Variants in MYH10 observed in about 807,000 individuals in gnomAD.
The protein encoded by MYH10 is myosin-10.
A neutral mutation model predicts 257.8 loss-of-function variants in MYH10; 55 were observed. The ratio of observed to expected loss-of-function variants is 0.21; its 90% confidence interval spans 0.17 to 0.27. MYH10 has a LOEUF of 0.27. Among genes scored for constraint, MYH10 ranks in the 10% least tolerant of loss-of-function variants. The pLI is 1.00. For synonymous variants in MYH10, 854 were observed against 921.7 expected, an observed-to-expected ratio of 0.93 and a Z score of 1.33; for missense variants, 1,631 against 2,500.6, an observed-to-expected ratio of 0.65 and a Z score of 7.42.
At chr17:8,605,214 C>T (rs1419759100) in intron 2 of MYH10, among the ~76,000 whole-genome samples, 1 of 152,180 alleles carries the variant, frequency 6.6e-6, no homozygotes, top group Non-Finnish European at 1.5e-5. Flanking sequence ...GACTCAATTT[C>T]CTCATCCATG....
At chr17:8,615,817 G>T (rs1597985754) in intron 2 of MYH10, among the ~76,000 whole-genome samples, 2 of 151,998 alleles carry the variant, frequency 1.3e-5, no homozygotes, top group African/African-American at 4.8e-5. Flanking sequence ...ATCTGATAAA[G>T]AATCAGTATT....
At chr17:8,557,757 C>T (rs566085729) in intron 7 of MYH10, among the ~76,000 whole-genome samples, 1 of 152,314 alleles carries the variant, frequency 6.6e-6, no homozygotes, top group South Asian at 2.1e-4. Context: ...AAAAAAACCA[C>T]TGATGCTACA....
Position 8,477,190 on chromosome 17 carries a change from G to T in MYH10, c.5707-142C>A, listed in dbSNP as rs2151761009. The T allele has an allele frequency of 2.2e-6, 2 of 889,276 alleles. No individual in the cohort carries two copies. Among genetic ancestry groups the T allele is most frequent in the East Asian group, 2.6e-5 (1 of 38,580 alleles). 55.1% of individuals were successfully genotyped at this position (889,276 alleles called of 1,614,324 possible). On this transcript the variant is annotated intron_variant, in intron 41 of 42. Transcript: ENST00000360416. This position sits in a 1 kb window ranked among gnomAD's most constrained non-coding sequence, Gnocchi z 4.2. ...ACACGGATGTACACGCGTGCCTGGG[G>T]GCTGGTCGGAGGCTCTGTAACCGGC...
In MYH10 at chr17:8,538,415, G is replaced by C. The variant is rs943108921; in HGVS notation, c.1606-2484C>G. ...AGTAGAGATGGAGTTTCACCATGTT[G>C]GTCAGGCTGGTCTCGAACTCCTGAC... On this transcript the variant is annotated intron_variant, in intron 14 of 42. Coordinates refer to ENST00000360416, the MANE Select transcript of MYH10 (RefSeq NM_001256012.3). Among the ~76,000 whole-genome samples, 28 of 152,274 alleles carry C rather than the reference G, an allele frequency of 1.8e-4. 1 individual carries two copies. In the South Asian group the frequency reaches 2.9e-3, roughly 16 times the overall value.
intron 6 of MYH10, among the ~76,000 whole-genome samples, chr17:8,572,209 G>C (rs991872663): frequency 6.7e-6 from 1 of 149,618 alleles, no homozygotes; most frequent in Non-Finnish European, 1.5e-5. Flanking sequence ...ATTTTCTATT[G>C]GTTCTTTTCT....
rs748002999 is a variant in MYH10 at position 8,477,012 on chromosome 17, G to A, written c.5743C>T (p.Arg1915Cys). ...KANARMKQLK[R>C]QLEEAEEEAT... The stretch of plus-strand genomic sequence containing the variant: ...TCTTCTTCTGCTTCCTCCAGCTGGC[G>A]TTTAAGCTGCTTCATCCGAGCGTTG... The change falls in exon 42 of 43, where the codon CGC becomes TGC. Residue 1915 changes from arginine (R) to cysteine (C), a missense_variant. Arg to Cys is a radical substitution (Grantham distance 180, BLOSUM62 -3). Coordinates refer to ENST00000360416, the MANE Select transcript of MYH10 (RefSeq NM_001256012.3). This position sits in a 1 kb window ranked among gnomAD's most constrained non-coding sequence, Gnocchi z 4.2. 33 of 1,614,044 alleles carry A rather than the reference G, an allele frequency of 2.0e-5. No homozygotes were observed. The highest frequency in any genetic ancestry group is 2.4e-5 in the Non-Finnish European group (28 of 1,180,054).
Position 8,535,436 on chromosome 17 carries a change from G to A in MYH10, c.1845C>T (p.Thr615=). 1 of 1,613,942 alleles carries A rather than the reference G, an allele frequency of 6.2e-7. No individual in the cohort carries two copies. Among genetic ancestry groups the A allele is most frequent in the Non-Finnish European group, 8.5e-7 (1 of 1,179,942 alleles). Residue 615 remains threonine (T), a synonymous_variant, in exon 16 of 43, where the codon ACC becomes ACT. Coordinates refer to ENST00000360416, the MANE Select transcript of MYH10 (RefSeq NM_001256012.3). This position sits in a 1 kb window ranked among gnomAD's most constrained non-coding sequence, Gnocchi z 4.3. ...ATCTGTCTGATGACTGGTGCAAAAG[G>A]GTGGCCACGTTGTCATTCAGGGGGT... ...NMDPLNDNVA[T]LLHQSSDRFV...
At position 8,492,768 on chromosome 17, in the gene MYH10, C is replaced by T. The variant is rs745423330; in HGVS notation, c.4458+8G>A. 1.5e-5 allele frequency: 24 copies of T among 1,612,238 alleles called. No homozygotes were observed. The highest frequency in any genetic ancestry group is 8.9e-5 in the East Asian group (4 of 44,866). ...CTGCCAGGAGGAAACGACACGTGGC[C>T]GACCCACCTGGTCAAACTTCTTCTG... On this transcript the variant is annotated splice_region_variant and intron_variant, in intron 33 of 42. Transcript: ENST00000360416.
intron 24 of MYH10, 91 bp from the exon 25 acceptor site, chr17:8,510,040 ATTTTTTTT>A: frequency 2.5e-5 from 23 of 909,812 alleles, no homozygotes; most frequent in Non-Finnish European, 3.2e-5. Context: ...TGAGATACTA[ATTTTTTTT>A]TTTTTTTTGA....
chr17:8,484,853 A>C (rs1270454393), intron 36 of MYH10, among the ~76,000 whole-genome samples: 1 of 152,244 alleles, frequency 6.6e-6, no homozygotes, highest in Non-Finnish European at 1.5e-5. Flanking sequence ...TATCATACTT[A>C]AGGATCAATG....
intron 11 of MYH10, 57 bp downstream of exon 11, chr17:8,548,256 C>T (rs2082507878): frequency 1.4e-6 from 2 of 1,391,068 alleles, no homozygotes; most frequent in Non-Finnish European, 1.0e-6. Flanking sequence ...GTAACACCTT[C>T]TTAGAGAGCA....
At chr17:8,580,946 T>C (rs561641856) in intron 4 of MYH10, among the ~76,000 whole-genome samples, 33 of 152,174 alleles carry the variant, frequency 2.2e-4, no homozygotes, top group Non-Finnish European at 4.1e-4. Flanking sequence ...GCCCCTCCTC[T>C]AGATATGAAG....
chr17:8,476,274 G>A (rs909099724), intron 42 of MYH10, among the ~76,000 whole-genome samples: 24 of 152,196 alleles, frequency 1.6e-4, no homozygotes, highest in African/African-American at 5.8e-4. Flanking sequence ...TAGCAAAGTG[G>A]GCCACATAGG....
At chr17:8,630,226 G>A (rs1176818051) in intron 1 of MYH10, among the ~76,000 whole-genome samples, 1 of 146,740 alleles carries the variant, frequency 6.8e-6, no homozygotes, top group African/African-American at 2.6e-5. Context: ...CGAGACCTCC[G>A]CCGGGACACT....
chr17:8,489,743 A>ACACACC lies in MYH10; in HGVS notation c.4884+596_4884+597insGGTGTG, dbSNP rs1437818172. ...CACACACACACACACACACACACAC[A>ACACACC]CACCCCAAATCCAAAACTTACTGCC... On this transcript the variant is annotated intron_variant, in intron 35 of 42. Coordinates refer to ENST00000360416, the MANE Select transcript of MYH10 (RefSeq NM_001256012.3). Among the ~76,000 whole-genome samples the ACACACC allele has an allele frequency of 1.6e-3, 241 of 150,256 alleles. 1 individual carries two copies. Among genetic ancestry groups the ACACACC allele is most frequent in the Middle Eastern group, 6.9e-3 (2 of 290 alleles).
intron 11 of MYH10, among the ~76,000 whole-genome samples, chr17:8,547,508 C>G (rs2082481754): frequency 6.6e-6 from 1 of 151,818 alleles, no homozygotes; most frequent in African/African-American, 2.4e-5. Flanking sequence ...AAGAGCCACA[C>G]AGAATTAAAT....
At chr17:8,575,695 T>C (rs1181617096) in intron 6 of MYH10, among the ~76,000 whole-genome samples, 2 of 152,230 alleles carry the variant, frequency 1.3e-5, no homozygotes, top group Non-Finnish European at 2.9e-5. Context: ...TATTATTGTT[T>C]CTTGCTTTAT....
At chr17:8,548,284 A>G (rs765706510) in intron 11 of MYH10, 29 bp downstream of exon 11, 1 of 1,542,550 alleles carries the variant, frequency 6.5e-7, no homozygotes, top group Admixed American at 1.7e-5. Flanking sequence ...CCATCGAAAC[A>G]GAAATAAAGT....
At chr17:8,571,075 T>C (rs1449357257) in intron 6 of MYH10, among the ~76,000 whole-genome samples, 1 of 152,188 alleles carries the variant, frequency 6.6e-6, no homozygotes, top group African/African-American at 2.4e-5. Context: ...TTACATGGCA[T>C]CGGTTTATTT....
Sources: gnomAD v4.1 joint callset for allele counts (sites outside exome capture counted in the v4.1 genomes callset) on GRCh38, gnomAD v4.1.1 for gene constraint, Gnocchi (gnomAD v3.1) non-coding constraint, MANE v1.5 for transcripts, NCBI Gene and HGNC (gene_info 2026-07-23, HGNC 2026-07-21) for gene names.